SERPINB12: variants seen among roughly 807,000 people sequenced by gnomAD.
SERPINB12 encodes serpin family B member 12.
A neutral mutation model predicts 41.1 loss-of-function variants in SERPINB12; 57 were observed. That is an observed-to-expected ratio of 1.39 (90% CI 1.12 to 1.73). SERPINB12 has a LOEUF of 1.73. Among genes scored for constraint, SERPINB12 ranks in the 40% most tolerant of loss-of-function variants. SERPINB12 has a pLI of 0.00. For synonymous variants in SERPINB12, 180 were observed against 181.3 expected, an observed-to-expected ratio of 0.99 and a Z score of 0.06; for missense variants, 536 against 501.9, an observed-to-expected ratio of 1.07 and a Z score of -0.65.
rs149464837 is a variant in SERPINB12 at position 63,565,414 on chromosome 18, G to A, written c.706-31G>A. ...ATGAATTTGGGAGTTTCCCATAGCC[G>A]TCCTGTGACCTCCTACCTTGACTAC... On this transcript the variant is annotated intron_variant, in intron 6 of 7. Coordinates refer to ENST00000382768, the MANE Select transcript of SERPINB12 (RefSeq NM_001307928.2). 432 of 1,597,752 alleles carry A rather than the reference G, an allele frequency of 2.7e-4. 1 individual carries two copies. The African/African-American group carries it at 4.5e-3, about 17-fold the overall frequency.
the SERPINB12 span, among the ~76,000 whole-genome samples, chr18:63,529,652 A>G: frequency 6.6e-6 from 1 of 152,092 alleles, no homozygotes; most frequent in South Asian, 2.1e-4. Flanking sequence ...ATTCTTTCAT[A>G]ACTTTACTGC....
chr18:63,529,017 A>T, the SERPINB12 span, among the ~76,000 whole-genome samples: 1 of 152,064 alleles, frequency 6.6e-6, no homozygotes, highest in Non-Finnish European at 1.5e-5. Context: ...CTGGGACCAC[A>T]CTCAGTTCCA....
the SERPINB12 span, among the ~76,000 whole-genome samples, chr18:63,525,012 A>T: frequency 6.6e-6 from 1 of 151,626 alleles, no homozygotes; most frequent in South Asian, 2.1e-4. Flanking sequence ...GGCCTCCCAA[A>T]GTGCTGGATT....
At chr18:63,560,056 T>A (rs1223168848) in intron 4 of SERPINB12, among the ~76,000 whole-genome samples, 1 of 152,190 alleles carries the variant, frequency 6.6e-6, no homozygotes, top group African/African-American at 2.4e-5. Context: ...GTTGCTGCAC[T>A]TCTCTCTCCC....
chr18:63,524,402 G>C, the SERPINB12 span, among the ~76,000 whole-genome samples: 1 of 151,966 alleles, frequency 6.6e-6, no homozygotes, highest in Non-Finnish European at 1.5e-5. Context: ...CAATTCTCCT[G>C]CCTCAGCCTC....
intron 4 of SERPINB12, among the ~76,000 whole-genome samples, chr18:63,560,060 C>T (rs1490181146): frequency 6.6e-6 from 1 of 152,188 alleles, no homozygotes; most frequent in East Asian, 1.9e-4. Context: ...CTGCACTTCT[C>T]TCTCCCTTAT....
chr18:63,546,959 C>G (rs1485568597), intron 1 of SERPINB12, among the ~76,000 whole-genome samples: 3 of 152,024 alleles, frequency 2.0e-5, no homozygotes, highest in African/African-American at 7.3e-5. Context: ...GGTAAATGCT[C>G]GAATTGCCTG....
chr18:63,559,434 A>G (rs567748300), intron 3 of SERPINB12, 144 bp from the exon 4 acceptor site: 28 of 755,120 alleles, frequency 3.7e-5, no homozygotes, highest in Non-Finnish European at 5.1e-5. Context: ...TTCCCAGCTC[A>G]CTTCCCCCAG....
chr18:63,559,426 C>G, intron 3 of SERPINB12, 152 bp from the exon 4 acceptor site: 1 of 706,108 alleles, frequency 1.4e-6, no homozygotes. Context: ...CTCTGTTCTT[C>G]CCAGCTCACT....
At chr18:63,526,866 C>T in the SERPINB12 span, among the ~76,000 whole-genome samples, 1 of 152,124 alleles carries the variant, frequency 6.6e-6, no homozygotes, top group Non-Finnish European at 1.5e-5. Flanking sequence ...TTACATGAAC[C>T]TAGATGGCAT....
the SERPINB12 span, among the ~76,000 whole-genome samples, chr18:63,526,960 T>C: frequency 1.3e-5 from 2 of 152,188 alleles, no homozygotes; most frequent in African/African-American, 4.8e-5. Flanking sequence ...TTGTAGGCAA[T>C]TGTAACACAA....
At chr18:63,524,807 C>A in the SERPINB12 span, among the ~76,000 whole-genome samples, 1 of 143,854 alleles carries the variant, frequency 7.0e-6, no homozygotes, top group Non-Finnish European at 1.5e-5. Flanking sequence ...TGGAGTGCAG[C>A]GGCATGATCT....
At chr18:63,554,685 C>T (rs1056335415) in intron 1 of SERPINB12, among the ~76,000 whole-genome samples, 1 of 152,154 alleles carries the variant, frequency 6.6e-6, no homozygotes, top group African/African-American at 2.4e-5. Flanking sequence ...AGGCAAGATA[C>T]CTGTTCTTAG....
chr18:63,566,524 G>A (rs1315148882), intron 7 of SERPINB12, 83 bp from the exon 8 acceptor site: 4 of 1,273,132 alleles, frequency 3.1e-6, no homozygotes, highest in Non-Finnish European at 4.3e-6. Flanking sequence ...CCCACTGAAA[G>A]GGACTCAGGC....
the SERPINB12 span, among the ~76,000 whole-genome samples, chr18:63,523,643 A>G: frequency 2.0e-5 from 3 of 152,232 alleles, no homozygotes; most frequent in Non-Finnish European, 4.4e-5. Context: ...CACAATTCGG[A>G]CAGATCAAGA....
chr18:63,541,820 T>C (rs913494740), upstream of SERPINB12, among the ~76,000 whole-genome samples: 9 of 152,038 alleles, frequency 5.9e-5, no homozygotes, highest in Non-Finnish European at 1.0e-4. Flanking sequence ...CTAGGTACAG[T>C]CTGAGATGCC....
chr18:63,557,208 G>A (rs532788813), intron 2 of SERPINB12, among the ~76,000 whole-genome samples: 13 of 151,962 alleles, frequency 8.6e-5, no homozygotes, highest in East Asian at 3.9e-4. Context: ...CTTTGCTCTC[G>A]GTCCCTTTGC....
chr18:63,520,924 G>A, the SERPINB12 span, among the ~76,000 whole-genome samples: 9 of 152,240 alleles, frequency 5.9e-5, no homozygotes, highest in Non-Finnish European at 1.2e-4. Context: ...GTGCATCATA[G>A]TAAACTAACT....
chr18:63,537,813 A>C (rs1455565), upstream of SERPINB12, among the ~76,000 whole-genome samples: 105,208 of 152,014 alleles, frequency 0.69, 36,622 homozygotes, highest in Middle Eastern at 0.74. Flanking sequence ...CATTTAATTA[A>C]TATTATTCAA....
Sources: allele counts gnomAD v4.1 joint callset (sites outside exome capture counted in the v4.1 genomes callset), GRCh38; gene constraint gnomAD v4.1.1; transcripts MANE v1.5; gene names NCBI Gene and HGNC (gene_info 2026-07-23, HGNC 2026-07-21).